Variants in DNAAF9 observed in about 807,000 individuals in gnomAD.
DNAAF9 encodes shulin.
DNAAF9 carries 90 observed loss-of-function variants against 167.0 expected under a neutral mutation model. The observed-to-expected ratio is 0.54, with a 90% CI of 0.45 to 0.64. The LOEUF (loss-of-function observed/expected upper bound fraction) is 0.64. Among genes scored for constraint, DNAAF9 ranks in the 30% least tolerant of loss-of-function variants. The pLI, the probability that DNAAF9 is intolerant of heterozygous loss-of-function variation, is 0.00. For synonymous variants in DNAAF9, 491 were observed against 508.8 expected (o/e 0.96, Z 0.47); for missense variants, 1,315 against 1,442.2 (o/e 0.91, Z 1.43).
At chr20:3,293,441 T>G (rs1417470752) in intron 25 of DNAAF9, among the ~76,000 whole-genome samples, 1 of 151,452 alleles carries the variant, frequency 6.6e-6, no homozygotes, top group Non-Finnish European at 1.5e-5. Context: ...TCCCAGCACT[T>G]TGGGAGGCCG....
intron 31 of DNAAF9, 40 bp from the exon 32 acceptor site, chr20:3,260,068 G>C (rs538688796): frequency 2.2e-5 from 26 of 1,191,264 alleles, no homozygotes; most frequent in African/African-American, 6.0e-5. Flanking sequence ...GGCCGGGCGC[G>C]GTGGCTCACG....
intron 1 of DNAAF9, among the ~76,000 whole-genome samples, chr20:3,388,487 G>A (rs949220889): frequency 1.3e-5 from 2 of 152,050 alleles, no homozygotes; most frequent in Non-Finnish European, 2.9e-5. Context: ...TTGAAAGCAG[G>A]GACTGAAAGA....
At chr20:3,298,394 T>G (rs768103436) in intron 21 of DNAAF9, among the ~76,000 whole-genome samples, 28 of 152,052 alleles carry the variant, frequency 1.8e-4, no homozygotes, top group Non-Finnish European at 3.2e-4. Context: ...CAGGCTAGAG[T>G]GTGATGGCTC....
intron 20 of DNAAF9, among the ~76,000 whole-genome samples, chr20:3,308,285 T>C (rs1347517995): frequency 6.6e-6 from 1 of 151,952 alleles, no homozygotes; most frequent in East Asian, 1.9e-4. Context: ...TGACCTATGT[T>C]ACAAGTAATA....
intron 23 of DNAAF9, among the ~76,000 whole-genome samples, chr20:3,294,914 G>T (rs937846410): frequency 6.6e-5 from 10 of 151,960 alleles, no homozygotes; most frequent in Non-Finnish European, 1.5e-4. Flanking sequence ...TGCCCAGGCT[G>T]GAGTGCAGTG....
At chr20:3,399,459 C>T (rs1285880141) in intron 1 of DNAAF9, among the ~76,000 whole-genome samples, 6 of 152,142 alleles carry the variant, frequency 3.9e-5, no homozygotes, top group East Asian at 1.9e-4. Context: ...CCGCCCGCCT[C>T]GGCCTCCCAA....
intron 8 of DNAAF9, among the ~76,000 whole-genome samples, chr20:3,345,460 GT>G (rs1417958303): frequency 1.3e-5 from 2 of 152,136 alleles, no homozygotes; most frequent in Non-Finnish European, 2.9e-5. Context: ...AGATACAAAA[GT>G]TAATTTACTT....
chr20:3,400,859 T>C (rs1308393485), intron 1 of DNAAF9, among the ~76,000 whole-genome samples: 2 of 152,196 alleles, frequency 1.3e-5, no homozygotes, highest in African/African-American at 4.8e-5. Flanking sequence ...GGAAGTTATA[T>C]ATAGGCCTCT....
intron 2 of DNAAF9, among the ~76,000 whole-genome samples, chr20:3,381,800 G>C (rs890396166): frequency 2.0e-5 from 3 of 152,162 alleles, no homozygotes; most frequent in Admixed American, 2.0e-4. Flanking sequence ...ATAGGGGTCA[G>C]AAAAATCTTC....
At chr20:3,310,293 A>T (rs1347283941) in intron 20 of DNAAF9, among the ~76,000 whole-genome samples, 2 of 145,226 alleles carry the variant, frequency 1.4e-5, no homozygotes, top group African/African-American at 5.3e-5. Context: ...AAAGAAAGAA[A>T]AGAAAAAAGA....
chr20:3,263,357 G>T (rs1363490232), intron 31 of DNAAF9, among the ~76,000 whole-genome samples: 1 of 152,170 alleles, frequency 6.6e-6, no homozygotes, highest in Non-Finnish European at 1.5e-5. Flanking sequence ...AAGTGAGTAA[G>T]AATAACAAAG....
chr20:3,332,069 C>T (rs982260582), intron 11 of DNAAF9, among the ~76,000 whole-genome samples: 1 of 152,218 alleles, frequency 6.6e-6, no homozygotes, highest in Non-Finnish European at 1.5e-5. Context: ...TTAATGTAGG[C>T]TGCACCAATC....
chr20:3,252,423 G>C lies in DNAAF9; in HGVS notation c.*149C>G. 1 of 612,868 alleles carries C rather than the reference G, an allele frequency of 1.6e-6. No homozygotes were observed. Among genetic ancestry groups the C allele is most frequent in the Non-Finnish European group, 3.0e-6 (1 of 338,496 alleles). The allele number at this position is 612,868 out of a possible 1,614,324, so 38.0% of individuals were successfully genotyped here. A position where few individuals can be genotyped will look rare whatever the true frequency, so the allele number is the denominator to read the frequency against. ...TCTTCAGCGCTATACAGGGAATAAA[G>C]ACAACATGCACTCAAGCCAGCCCAC... On this transcript the variant is annotated 3_prime_UTR_variant, in exon 37 of 37. Coordinates refer to ENST00000252032, the MANE Select transcript of DNAAF9 (RefSeq NM_001009984.3).
chr20:3,294,587 A>T lies in DNAAF9; in HGVS notation c.2061T>A (p.Pro687=). Residue 687 remains proline (P), a synonymous_variant, in exon 24 of 37, where the codon CCT becomes CCA. Coordinates refer to ENST00000252032, the MANE Select transcript of DNAAF9 (RefSeq NM_001009984.3). ...AQKLFSALSQ[P]AGEKRSSLKL... is the part of the protein sequence containing the mutation. ...TTAGGGAACTCCGTTTCTCCCCAGCAGGCTGGCTCAGGGCACTGAAGAGCT... is the reference window on the plus strand; with the variant it reads ...TTAGGGAACTCCGTTTCTCCCCAGCTGGCTGGCTCAGGGCACTGAAGAGCT... 3 of 1,613,916 alleles carry T rather than the reference A, an allele frequency of 1.9e-6. No homozygotes were observed. Among genetic ancestry groups the T allele is most frequent in the Non-Finnish European group, 2.5e-6 (3 of 1,179,782 alleles).
chr20:3,366,307 T>C (rs2092991), intron 6 of DNAAF9, among the ~76,000 whole-genome samples: 96,277 of 152,074 alleles, frequency 0.63, 30,698 homozygotes, highest in South Asian at 0.69. Context: ...TCCTCTTGTA[T>C]ACCTCCATTA....
intron 26 of DNAAF9, among the ~76,000 whole-genome samples, chr20:3,289,387 G>A (rs2068909314): frequency 1.3e-5 from 2 of 152,118 alleles, no homozygotes; most frequent in Non-Finnish European, 2.9e-5. Flanking sequence ...GAGGTTACAG[G>A]TGAACTATGA....
Position 3,294,633 on chromosome 20 carries a change from G to A in DNAAF9, c.2019-4C>T, listed in dbSNP as rs1555788553. ...GAGCTTCTGTGCACTGGAGTGCCTGGAATAACAAAAGCTCACAGATTAGAA... is the reference window on the plus strand; with the variant it reads ...GAGCTTCTGTGCACTGGAGTGCCTGAAATAACAAAAGCTCACAGATTAGAA... On this transcript the variant is annotated splice_region_variant and splice_polypyrimidine_tract_variant and intron_variant, in intron 23 of 36. Transcript: ENST00000252032. 6.9e-6 allele frequency: 11 copies of A among 1,591,162 alleles called. No individual in the cohort carries two copies. The highest frequency in any genetic ancestry group is 6.9e-6 in the Non-Finnish European group (8 of 1,159,426).
chr20:3,260,165 C>A (rs1206883070), intron 31 of DNAAF9, 137 bp from the exon 32 acceptor site: 8 of 511,106 alleles, frequency 1.6e-5, no homozygotes, highest in African/African-American at 2.0e-5. Flanking sequence ...AGGTGAAACC[C>A]CGTCTCTACT....
At chr20:3,281,903 G>T in intron 27 of DNAAF9, 137 bp from the exon 28 acceptor site, 2 of 729,162 alleles carry the variant, frequency 2.7e-6, no homozygotes, top group Non-Finnish European at 4.5e-6. Flanking sequence ...GTCCCTTGGT[G>T]TCACTCCACT....
Sources: allele counts gnomAD v4.1 joint callset (sites outside exome capture counted in the v4.1 genomes callset), GRCh38; gene constraint gnomAD v4.1.1; transcripts MANE v1.5; gene names NCBI Gene and HGNC (gene_info 2026-07-23, HGNC 2026-07-21).